The following SLC9A1 variants were observed in gnomAD, a reference collection of about 807,000 sequenced individuals.
The protein encoded by SLC9A1 is solute carrier family 9 member A1, also known as sodium/hydrogen exchanger 1.
Under a neutral mutation model 67.9 loss-of-function variants are expected in SLC9A1, and 22 were observed. The observed-to-expected ratio is 0.32, with a 90% CI of 0.23 to 0.46. The LOEUF (loss-of-function observed/expected upper bound fraction) is 0.46. Ranked by LOEUF, SLC9A1 falls within the 20% of genes least tolerant of loss-of-function variation. The pLI is 1.00. For synonymous variants in SLC9A1, 421 were observed against 471.8 expected (o/e 0.89, Z 1.40); for missense variants, 686 against 1,094.8 (o/e 0.63, Z 5.27).
rs768114241 is a variant in SLC9A1, at chr1:27,105,969, G to A, written c.1401C>T (p.Tyr467=). ...TGGGGAAGTGCTTCTTGTCCAGGAG[G>A]TAGCCCAGAGAGAAGGCGATGGCCC... ...LRGAIAFSLG[Y]LLDKKHFPMC... Residue 467 remains tyrosine, a synonymous_variant, in exon 5 of 12, where the codon TAC becomes TAT. Transcript: ENST00000263980. 4 of 1,613,714 alleles carry A rather than the reference G, an allele frequency of 2.5e-6. No homozygotes were observed. The highest frequency in any genetic ancestry group is 2.2e-5 in the South Asian group (2 of 91,086).
intron 8 of SLC9A1, 72 bp downstream of exon 8, chr1:27,102,313 G>T: frequency 6.6e-7 from 1 of 1,510,226 alleles, no homozygotes; most frequent in Non-Finnish European, 9.0e-7. Context: ...CGCCCCCCAG[G>T]TGGCCACCTC....
In SLC9A1 at chr1:27,101,189, C is replaced by T. The variant is rs768849282; in HGVS notation, c.2110+14G>A. ...CAGAGTGCCCAGTCCTGAGGCCCCT[C>T]GCCAGGCCCTTACCTGAGCCGATGC... On this transcript the variant is annotated intron_variant, in intron 11 of 11. Transcript: ENST00000263980. This position sits in a 1 kb window ranked among gnomAD's most constrained non-coding sequence, Gnocchi z 4.9. 2.5e-6 allele frequency: 4 copies of T among 1,605,874 alleles called. No homozygotes were observed. Among genetic ancestry groups the T allele is most frequent in the South Asian group, 1.1e-5 (1 of 90,954 alleles).
In SLC9A1 at chr1:27,102,506, G is replaced by A. The variant is rs1373831024; in HGVS notation, c.1699C>T (p.Arg567Cys). ...GCAATGAGCTGGGGCTCCTTGGAGC[G>A]CTCGCCAGCTATCAGACACTTCTTC... ...YVKKCLIAGE[R>C]SKEPQLIAFY... The change falls in exon 8 of 12, where the codon CGC (arginine) becomes TGC (cysteine). Residue 567 changes from arginine (R) to cysteine (C), a missense_variant. Physicochemically the swap from Arg to Cys is radical, Grantham distance 180. Around this residue, in one of 7 missense-constraint regions of SLC9A1, gnomAD observed 168 missense variants for 375.4 expected, o/e 0.45. Coordinates refer to ENST00000263980, the MANE Select transcript of SLC9A1 (RefSeq NM_003047.5). 1.9e-6 allele frequency: 3 copies of A among 1,609,482 alleles called. No homozygotes were observed. The highest frequency in any genetic ancestry group is 2.7e-5 in the African/African-American group (2 of 74,866).
intron 1 of SLC9A1, among the ~76,000 whole-genome samples, chr1:27,122,565 TCA>T (rs921843175): frequency 6.6e-6 from 1 of 152,114 alleles, no homozygotes; most frequent in African/African-American, 2.4e-5. Context: ...AGAGCAGGCC[TCA>T]GAGGGTCCCC....
chr1:27,109,927 G>A lies in SLC9A1; in HGVS notation c.814-150C>T. ...GCAGAGAAACCCTAGTGCCAAGCAG[G>A]TGCTCAAAACCTCAGCCTGGGGCTG... is the stretch of plus-strand genomic sequence containing the variant. On this transcript the variant is annotated intron_variant, in intron 2 of 11. Transcript: ENST00000263980. The surrounding 1 kb of genome is among the most constrained non-coding windows in gnomAD (Gnocchi z 5.5). 1 of 935,810 alleles carries A rather than the reference G, an allele frequency of 1.1e-6. No individual in the cohort carries two copies. The highest frequency in any genetic ancestry group is 2.6e-5 in the Admixed American group (1 of 38,542). 58.0% of individuals were successfully genotyped at this position (935,810 alleles called of 1,614,324 possible).
intron 1 of SLC9A1, among the ~76,000 whole-genome samples, chr1:27,145,363 C>T (rs997620006): frequency 6.6e-6 from 1 of 152,218 alleles, no homozygotes; most frequent in Non-Finnish European, 1.5e-5. Context: ...TCCTTGATGG[C>T]CATATGCTAA....
intron 1 of SLC9A1, among the ~76,000 whole-genome samples, chr1:27,133,645 T>A (rs1433308561): frequency 6.6e-6 from 1 of 151,910 alleles, no homozygotes; most frequent in Non-Finnish European, 1.5e-5. Flanking sequence ...TGGGTCAGCA[T>A]CTCCCGCCCC....
intron 1 of SLC9A1, among the ~76,000 whole-genome samples, chr1:27,116,055 G>A (rs2083270350): frequency 6.6e-6 from 1 of 152,074 alleles, no homozygotes; most frequent in South Asian, 2.1e-4. Context: ...CTAGTACGGT[G>A]ACAAGTCAAA....
At chr1:27,121,234 A>G (rs1273426378) in intron 1 of SLC9A1, among the ~76,000 whole-genome samples, 1 of 152,020 alleles carries the variant, frequency 6.6e-6, no homozygotes, top group Non-Finnish European at 1.5e-5. Context: ...AAAGGGTCTC[A>G]CCCTCTGGGA....
intron 1 of SLC9A1, among the ~76,000 whole-genome samples, chr1:27,130,690 C>T (rs1402904022): frequency 1.3e-5 from 2 of 152,224 alleles, no homozygotes; most frequent in African/African-American, 4.8e-5. Context: ...ATGAGGTAGA[C>T]ACTACTGTTT....
chr1:27,104,939 G>A (rs547211904), intron 5 of SLC9A1, among the ~76,000 whole-genome samples: 26 of 152,332 alleles, frequency 1.7e-4, no homozygotes, highest in Admixed American at 4.6e-4. Flanking sequence ...CCTTAGGCAG[G>A]AGAGTGGCTG....
At position 27,114,841 on chromosome 1, in the gene SLC9A1, G is replaced by A. The variant is rs570880660; in HGVS notation, c.353-555C>T. On this transcript the variant is annotated intron_variant, in intron 1 of 11. Coordinates refer to ENST00000263980, the MANE Select transcript of SLC9A1 (RefSeq NM_003047.5). This position sits in a 1 kb window ranked among gnomAD's most constrained non-coding sequence, Gnocchi z 5.4. ...ATAGGAGACAGAAGAAAGCACAGAA[G>A]AATCTAAGAATACCAGCGTGGGAAG... 2.0e-5 allele frequency among the ~76,000 whole-genome samples: 3 copies of A among 152,280 alleles called. No homozygotes were observed. The South Asian group carries it at 6.2e-4, about 32-fold the overall frequency.
chr1:27,109,603 C>A lies in SLC9A1; in HGVS notation c.988G>T (p.Glu330Ter). The change falls in exon 3 of 12, where the codon GAG becomes TAG. Residue 330 changes from glutamate (E) to a stop codon, truncating the protein, a stop_gained. Transcript: ENST00000263980. LOFTEE classifies it high-confidence loss of function. This position sits in a 1 kb window ranked among gnomAD's most constrained non-coding sequence, Gnocchi z 5.5. ...SRFTSHIRVIEPLFVFLYSYM... is the reference protein window; with the variant it reads ...SRFTSHIRVI ...CTGTAGAGGAAGACGAAGAGCGGCT[C>A]GATGACCCGGATGTGGGAGGTAAAT... is the stretch of plus-strand genomic sequence containing the variant. 6.2e-7 allele frequency: 1 copy of A among 1,613,878 alleles called. No homozygotes were observed. The highest frequency in any genetic ancestry group is 8.5e-7 in the Non-Finnish European group (1 of 1,180,010).
In SLC9A1 at chr1:27,101,342, C is replaced by A; in HGVS notation, c.2038-67G>T. 7.9e-7 allele frequency: 1 copy of A among 1,265,794 alleles called. No homozygotes were observed. Among genetic ancestry groups the A allele is most frequent in the South Asian group, 1.2e-5 (1 of 82,564 alleles). 78.4% of individuals were successfully genotyped at this position (1,265,794 alleles called of 1,614,324 possible). ...AGAGGGAGCCCCTCAGGACAGAACC[C>A]GGCCAGTGCACACCCCACCTTTCGT... On this transcript the variant is annotated intron_variant, in intron 10 of 11. Transcript: ENST00000263980. This position sits in a 1 kb window ranked among gnomAD's most constrained non-coding sequence, Gnocchi z 4.9.
intron 1 of SLC9A1, among the ~76,000 whole-genome samples, chr1:27,128,486 C>T (rs2083360960): frequency 6.6e-6 from 1 of 151,976 alleles, no homozygotes. Context: ...CAAAACCCAT[C>T]TCTACAAAAA....
At position 27,138,972 on chromosome 1, in the gene SLC9A1, G is replaced by A. The variant is rs113238646; in HGVS notation, c.352+15011C>T. ...CATTCAGGAGGCCCGGGAATCACCCGGGTTGGAGAAGATGGAGTGAAGAGG... is the reference window on the plus strand; with the variant it reads ...CATTCAGGAGGCCCGGGAATCACCCAGGTTGGAGAAGATGGAGTGAAGAGG... On this transcript the variant is annotated intron_variant, in intron 1 of 11. Transcript: ENST00000263980. Among the ~76,000 whole-genome samples, 21 of 152,178 alleles carry A rather than the reference G, an allele frequency of 1.4e-4. 2 individuals carry two copies. Among genetic ancestry groups the A allele is most frequent in the Admixed American group, 5.2e-4 (8 of 15,298 alleles).
At chr1:27,131,947 A>AATATAT (rs71010329) in intron 1 of SLC9A1, among the ~76,000 whole-genome samples, 571 of 51,990 alleles carry the variant, frequency 0.011, 7 homozygotes, top group Middle Eastern at 0.022. Flanking sequence ...AGAAAAAAAA[A>AATATAT]ATATATATAT....
In SLC9A1 at chr1:27,137,845, A is replaced by G. The variant is rs2083429235; in HGVS notation, c.352+16138T>C. Among the ~76,000 whole-genome samples, 1 of 152,032 alleles carries G rather than the reference A, an allele frequency of 6.6e-6. No individual in the cohort carries two copies. Among genetic ancestry groups the G allele is most frequent in the Admixed American group, 6.5e-5 (1 of 15,270 alleles). On this transcript the variant is annotated intron_variant, in intron 1 of 11. Coordinates refer to ENST00000263980, the MANE Select transcript of SLC9A1 (RefSeq NM_003047.5). This position sits in a 1 kb window ranked among gnomAD's most constrained non-coding sequence, Gnocchi z 4.6. ...TGCCCACTCAGCCCCTCCCTCCCCA[A>G]TGTGCCCCTGACTCCACGCCCACTC... is the stretch of plus-strand genomic sequence containing the variant.
chr1:27,145,203 T>C (rs1270421784), intron 1 of SLC9A1, among the ~76,000 whole-genome samples: 2 of 152,186 alleles, frequency 1.3e-5, no homozygotes, highest in Non-Finnish European at 2.9e-5. Context: ...CTCAGACTAA[T>C]GTTCCACCTC....
Sources: gnomAD v4.1 joint callset for allele counts (sites outside exome capture counted in the v4.1 genomes callset) on GRCh38, gnomAD v4.1.1 for gene constraint, gnomAD v4.1.1 regional missense constraint, Gnocchi (gnomAD v3.1) non-coding constraint, MANE v1.5 for transcripts, NCBI Gene and HGNC (gene_info 2026-07-23, HGNC 2026-07-21) for gene names.